Variants in CCDC141 observed in about 807,000 individuals in gnomAD.
CCDC141 encodes the protein coiled-coil domain-containing protein 141.
In CCDC141, 168 loss-of-function variants were observed where a neutral mutation model predicts 181.0. That is an observed-to-expected ratio of 0.93 (90% CI 0.82 to 1.05). CCDC141 has a LOEUF of 1.05. Among genes scored for constraint, CCDC141 ranks in the 50% least tolerant of loss-of-function variants. CCDC141 has a pLI of 0.00. For missense variants in CCDC141, 1,902 were observed against 1,788.5 expected (o/e 1.06, Z -1.14); for synonymous variants, 666 against 642.3 (o/e 1.04, Z -0.56).
At chr2:178,826,923 C>A (rs148855259), downstream of CCDC141, among the ~76,000 whole-genome samples, 865 of 152,048 alleles carry the variant, frequency 5.7e-3, 3 homozygotes, top group Non-Finnish European at 7.1e-3. Flanking sequence ...AACCACTTTT[C>A]TTTCTCTAGT....
chr2:178,961,154 G>GC, intron 5 of CCDC141, 76 bp downstream of exon 5: 1 of 1,455,930 alleles, frequency 6.9e-7, no homozygotes, highest in Non-Finnish European at 9.2e-7. Context: ...CTGACAAACT[G>GC]CCCCAGGGAA....
chr2:178,909,766 G>A (rs1688140932), intron 7 of CCDC141, among the ~76,000 whole-genome samples: 1 of 152,116 alleles, frequency 6.6e-6, no homozygotes, highest in African/African-American at 2.4e-5. Flanking sequence ...TGCACACACA[G>A]TACAGAACAT....
At chr2:178,944,401 G>T in intron 6 of CCDC141, 134 bp downstream of exon 6, 1 of 449,990 alleles carries the variant, frequency 2.2e-6, no homozygotes. Flanking sequence ...AATGTTATTG[G>T]GATATTTTTT....
At chr2:178,901,510 T>C (rs1687690235) in intron 8 of CCDC141, among the ~76,000 whole-genome samples, 8 of 152,134 alleles carry the variant, frequency 5.3e-5, no homozygotes, top group Admixed American at 5.2e-4. Context: ...AAAAAGCACA[T>C]GATAATCTCA....
chr2:178,945,848 T>C (rs1290677824), intron 5 of CCDC141, among the ~76,000 whole-genome samples: 5 of 87,318 alleles, frequency 5.7e-5, no homozygotes, highest in Admixed American at 4.4e-4. Context: ...ACATGACACA[T>C]GCGTGCACAC....
intron 7 of CCDC141, among the ~76,000 whole-genome samples, chr2:178,915,377 T>TA (rs1029511568): frequency 1.3e-5 from 2 of 152,220 alleles, no homozygotes; most frequent in African/African-American, 2.4e-5. Context: ...AAAGTATATT[T>TA]AAAAAATCAT....
chr2:178,822,240 C>G, the CCDC141 span, among the ~76,000 whole-genome samples: 6 of 151,286 alleles, frequency 4.0e-5, no homozygotes, highest in Non-Finnish European at 5.9e-5. Flanking sequence ...GGGAACATCA[C>G]ACACCGGGGC....
chr2:178,867,290 C>T (rs1163170616), intron 16 of CCDC141, among the ~76,000 whole-genome samples: 1 of 152,300 alleles, frequency 6.6e-6, no homozygotes, highest in Non-Finnish European at 1.5e-5. Flanking sequence ...AATGCTAAAA[C>T]AGCACTGGCC....
intron 8 of CCDC141, among the ~76,000 whole-genome samples, chr2:178,900,400 T>C (rs1177863559): frequency 6.6e-6 from 1 of 152,184 alleles, no homozygotes; most frequent in Non-Finnish European, 1.5e-5. Context: ...TTTAATTTCA[T>C]ACATGTAGAG....
At position 178,902,205 on chromosome 2, in the gene CCDC141, T is replaced by C. The variant is rs549934494; in HGVS notation, c.1265+3124A>G. Among the ~76,000 whole-genome samples the C allele has an allele frequency of 5.0e-3, 755 of 152,236 alleles. 13 individuals are homozygous for C. Among genetic ancestry groups the C allele is most frequent in the South Asian group, 0.022 (104 of 4,820 alleles). ...CCAAGGTAATTTATAGATTCAATGCTATCCCCATCAAGCTACCAATGACTT... is the reference window on the plus strand; with the variant it reads ...CCAAGGTAATTTATAGATTCAATGCCATCCCCATCAAGCTACCAATGACTT... On this transcript the variant is annotated intron_variant, in intron 8 of 23. Coordinates refer to ENST00000443758, the MANE Select transcript of CCDC141 (RefSeq NM_173648.4).
intron 2 of CCDC141, among the ~76,000 whole-genome samples, chr2:178,990,601 G>GAGGGGAGGGA (rs1680748366): frequency 7.7e-6 from 1 of 129,068 alleles, no homozygotes. Flanking sequence ...GAGGGGAGGG[G>GAGGGGAGGGA]AGGGGAGGGA....
At chr2:178,931,647 T>C (rs2154375856) in intron 6 of CCDC141, among the ~76,000 whole-genome samples, 1 of 152,226 alleles carries the variant, frequency 6.6e-6, no homozygotes, top group Non-Finnish European at 1.5e-5. Flanking sequence ...TTAGTGGTTG[T>C]CAGGGGCCGA....
chr2:178,945,853 G>GCA (rs10649193), intron 5 of CCDC141, among the ~76,000 whole-genome samples: 70,289 of 149,316 alleles, frequency 0.47, 17,115 homozygotes, highest in East Asian at 0.7. Flanking sequence ...ACACATGCGT[G>GCA]CACACACACA....
intron 8 of CCDC141, among the ~76,000 whole-genome samples, chr2:178,904,247 AGCCT>A (rs1291727881): frequency 3.3e-5 from 5 of 152,218 alleles, no homozygotes; most frequent in Non-Finnish European, 5.9e-5. Context: ...TTGTCTTCAT[AGCCT>A]CAACTTTTTG....
intron 22 of CCDC141, among the ~76,000 whole-genome samples, chr2:178,843,692 C>T (rs2154366451): frequency 6.6e-6 from 1 of 152,334 alleles, no homozygotes; most frequent in African/African-American, 2.4e-5. Context: ...ATTCTACCAT[C>T]ATTTAAGGGT....
At chr2:178,947,125 C>T (rs900829863) in intron 5 of CCDC141, among the ~76,000 whole-genome samples, 1 of 152,132 alleles carries the variant, frequency 6.6e-6, no homozygotes, top group Non-Finnish European at 1.5e-5. Context: ...AATAAGACAC[C>T]CTAAATAACC....
At chr2:179,027,588 T>G (rs2042884358) in intron 2 of CCDC141, among the ~76,000 whole-genome samples, 1 of 136,338 alleles carries the variant, frequency 7.3e-6, no homozygotes, top group African/African-American at 2.8e-5. Flanking sequence ...GAGGTCGCAG[T>G]GAGCCAAGAT....
the CCDC141 span, chr2:178,817,803 C>CT: frequency 3.7e-4 from 113 of 303,674 alleles, no homozygotes; most frequent in African/African-American, 1.3e-3. Context: ...TCCTCCCTCC[C>CT]TCCCTCCCTC....
Position 178,949,877 on chromosome 2 carries a change from C to T in CCDC141, c.781-5226G>A, listed in dbSNP as rs144692284. Among the ~76,000 whole-genome samples, 308 of 152,292 alleles carry T rather than the reference C, an allele frequency of 2.0e-3. 5 individuals carry two copies. In the South Asian group the frequency reaches 0.023, roughly 12 times the overall value. ...GATGGCCAAGGATAAACAACTCAGG[C>T]GGCAAGAAGGTGAACTTCTGCTGCA... On this transcript the variant is annotated intron_variant, in intron 5 of 23. Transcript: ENST00000443758.
Sources: allele counts gnomAD v4.1 joint callset (sites outside exome capture counted in the v4.1 genomes callset), GRCh38; gene constraint gnomAD v4.1.1; transcripts MANE v1.5; gene names NCBI Gene and HGNC (gene_info 2026-07-23, HGNC 2026-07-21).